Variants in TENT2 observed in about 807,000 individuals in gnomAD.
The protein encoded by TENT2 is poly(A) RNA polymerase GLD2.
In TENT2, 44 loss-of-function variants were observed where a neutral mutation model predicts 72.2. That is an observed-to-expected ratio of 0.61 (90% CI 0.48 to 0.78). The LOEUF (loss-of-function observed/expected upper bound fraction) is 0.78, where lower values mean the gene tolerates loss of function less well. Among genes scored for constraint, TENT2 ranks in the 30% least tolerant of loss-of-function variants. TENT2 has a pLI of 0.00. For synonymous variants in TENT2, 212 were observed against 192.5 expected (o/e 1.10, Z -0.84); for missense variants, 541 against 569.6 (o/e 0.95, Z 0.51).
chr5:79,628,458 T>C (rs777032856), intron 4 of TENT2, among the ~76,000 whole-genome samples: 3 of 152,226 alleles, frequency 2.0e-5, no homozygotes, highest in African/African-American at 4.8e-5. Flanking sequence ...CTGAAGATGG[T>C]TGATCCCCTT....
chr5:79,619,721 C>T lies in TENT2; in HGVS notation c.73C>T (p.Leu25=). 1.9e-6 allele frequency: 3 copies of T among 1,613,888 alleles called. No homozygotes were observed. Among genetic ancestry groups the T allele is most frequent in the Non-Finnish European group, 2.5e-6 (3 of 1,179,824 alleles). ...NHQQHNNFFT[L]SPTVYSHQQL... Reference sequence around the variant, plus strand: ...TCAACAACATAATAACTTCTTTACCCTGTCACCTACTGTTTATTCACACCA... The same window carrying T: ...TCAACAACATAATAACTTCTTTACCTTGTCACCTACTGTTTATTCACACCA... Residue 25 remains leucine, a synonymous_variant, in exon 2 of 15, where the codon CTG becomes TTG. Coordinates refer to ENST00000453514, the MANE Select transcript of TENT2 (RefSeq NM_001114394.3).
rs1257010200 is a variant in TENT2 at position 79,649,787 on chromosome 5, A to AT, written c.1027+602dup. Among the ~76,000 whole-genome samples, 7 of 152,128 alleles carry AT rather than the reference A, an allele frequency of 4.6e-5. No homozygotes were observed. The East Asian group carries it at 1.3e-3, about 29-fold the overall frequency. ...ATTTGGACCATTCATAAGTGTGAGAATTTTTACGGTACTGAAAATTTCCTA... is the reference window on the plus strand; with the variant it reads ...ATTTGGACCATTCATAAGTGTGAGAATTTTTTACGGTACTGAAAATTTCCTA... On this transcript the variant is annotated intron_variant, in intron 10 of 14. Coordinates refer to ENST00000453514, the MANE Select transcript of TENT2 (RefSeq NM_001114394.3).
intron 13 of TENT2, among the ~76,000 whole-genome samples, chr5:79,681,150 A>ATTTTTTTTTTTTTTTTTTTTTTT (rs1158559796): frequency 2.2e-5 from 1 of 44,738 alleles, no homozygotes; most frequent in African/African-American, 8.7e-5. Context: ...CTTTTCTTTG[A>ATTTTTTTTTTTTTTTTTTTTTTT]TTTTTTTTTT....
chr5:79,669,181 A>G (rs116340947), intron 12 of TENT2, among the ~76,000 whole-genome samples, 153 bp downstream of exon 12: 68 of 152,330 alleles, frequency 4.5e-4, no homozygotes, highest in Non-Finnish European at 8.1e-4. Context: ...CCAGAAATGT[A>G]TAGTTTATAA....
chr5:79,624,644 A>G (rs2150032255), intron 4 of TENT2, among the ~76,000 whole-genome samples: 1 of 152,306 alleles, frequency 6.6e-6, no homozygotes, highest in South Asian at 2.1e-4. Context: ...TTTTATATAA[A>G]TGAAATCATT....
chr5:79,643,830 A>G (rs2150482479), intron 7 of TENT2, among the ~76,000 whole-genome samples: 1 of 152,090 alleles, frequency 6.6e-6, no homozygotes, highest in East Asian at 1.9e-4. Flanking sequence ...GGTTATTTTT[A>G]ATAGTTAAGG....
chr5:79,662,684 G>A (rs1803994070), intron 11 of TENT2, among the ~76,000 whole-genome samples: 1 of 152,152 alleles, frequency 6.6e-6, no homozygotes, highest in Admixed American at 6.5e-5. Context: ...AAAGAGATGT[G>A]TTGTCATCAA....
At chr5:79,670,934 C>T (rs991249927) in intron 12 of TENT2, among the ~76,000 whole-genome samples, 2 of 151,124 alleles carry the variant, frequency 1.3e-5, no homozygotes, top group Non-Finnish European at 2.9e-5. Context: ...TCCAAAACTA[C>T]ATTCTTAATT....
intron 1 of TENT2, among the ~76,000 whole-genome samples, chr5:79,616,720 G>C (rs1284897402): frequency 6.6e-6 from 1 of 152,160 alleles, no homozygotes; most frequent in Non-Finnish European, 1.5e-5. Flanking sequence ...AAATATGACA[G>C]GATTATTTTC....
At chr5:79,675,238 GTT>G (rs1339595814) in intron 12 of TENT2, among the ~76,000 whole-genome samples, 2 of 152,180 alleles carry the variant, frequency 1.3e-5, no homozygotes, top group Non-Finnish European at 2.9e-5. Flanking sequence ...GTTAAGAATG[GTT>G]GGAATCTAGA....
chr5:79,681,991 A>G lies in TENT2; in HGVS notation c.1310A>G (p.Asp437Gly). 6.2e-7 allele frequency: 1 copy of G among 1,611,988 alleles called. No individual in the cohort carries two copies. Among genetic ancestry groups the G allele is most frequent in the Non-Finnish European group, 8.5e-7 (1 of 1,179,252 alleles). ...NKYICVEEPF[D>G]GTNTARAVHE... Reference sequence around the variant, plus strand: ...GCATTTAACATTGCAGAACCTTTTGATGGAACAAATACAGCCAGAGCAGTG... The same window carrying G: ...GCATTTAACATTGCAGAACCTTTTGGTGGAACAAATACAGCCAGAGCAGTG... Residue 437 changes from aspartate (D) to glycine (G), a missense_variant, in exon 14 of 15, where the codon GAT (aspartate) becomes GGT (glycine). Transcript: ENST00000453514.
chr5:79,647,365 A>G (rs1168829112), intron 8 of TENT2, among the ~76,000 whole-genome samples: 1 of 152,148 alleles, frequency 6.6e-6, no homozygotes, highest in Admixed American at 6.6e-5. Context: ...CAATTTTGGA[A>G]AAATTTTTAA....
At chr5:79,650,622 G>C (rs1264063865) in intron 10 of TENT2, among the ~76,000 whole-genome samples, 1 of 152,064 alleles carries the variant, frequency 6.6e-6, no homozygotes, top group African/African-American at 2.4e-5. Context: ...GCTTGGGCTT[G>C]GAAAGTTGAG....
chr5:79,663,559 T>C (rs4703782), intron 11 of TENT2, among the ~76,000 whole-genome samples: 66,756 of 151,982 alleles, frequency 0.44, 17,835 homozygotes, highest in African/African-American at 0.75. Flanking sequence ...GGGAGAGAGA[T>C]GGGGGAATTG....
chr5:79,681,487 C>T (rs1821885460), intron 13 of TENT2, among the ~76,000 whole-genome samples: 1 of 152,018 alleles, frequency 6.6e-6, no homozygotes, highest in Non-Finnish European at 1.5e-5. Context: ...TCTAAACCAT[C>T]CACTTGGGCC....
At chr5:79,674,195 A>G (rs1815283894) in intron 12 of TENT2, among the ~76,000 whole-genome samples, 1 of 152,204 alleles carries the variant, frequency 6.6e-6, no homozygotes. Flanking sequence ...CAACCTGACC[A>G]ACATGGTGAA....
In TENT2 at chr5:79,642,898, T is replaced by C. The variant is rs1299908699; in HGVS notation, c.739T>C (p.Cys247Arg). Residue 247 changes from cysteine (C) to arginine (R), a missense_variant, in exon 7 of 15, where the codon TGT (cysteine) becomes CGT (arginine). Transcript: ENST00000453514. ...HILTLVHKHF[C>R]TRLSGYIERP... ...ACTCACCTTAGTCCATAAACACTTC[T>C]GTACTAGACTTTGTAAGTCTGACAT... The C allele has an allele frequency of 6.2e-7, 1 of 1,611,102 alleles. No individual in the cohort carries two copies. The highest frequency in any genetic ancestry group is 8.5e-7 in the Non-Finnish European group (1 of 1,178,836).
chr5:79,635,992 A>G (rs1032619824), intron 4 of TENT2, among the ~76,000 whole-genome samples: 10 of 152,228 alleles, frequency 6.6e-5, no homozygotes, highest in Admixed American at 2.0e-4. Context: ...CACGTGGGCT[A>G]TGTAGGTCCT....
intron 4 of TENT2, among the ~76,000 whole-genome samples, chr5:79,630,534 G>A (rs1366084945): frequency 2.6e-5 from 4 of 152,108 alleles, no homozygotes; most frequent in Non-Finnish European, 5.9e-5. Context: ...CCAAGACCAC[G>A]CCACTGCACT....
Sources: gnomAD v4.1 joint callset for allele counts (sites outside exome capture counted in the v4.1 genomes callset) on GRCh38, gnomAD v4.1.1 for gene constraint, MANE v1.5 for transcripts, NCBI Gene and HGNC (gene_info 2026-07-23, HGNC 2026-07-21) for gene names.